The following STAG1 variants were observed in gnomAD, a reference collection of about 807,000 sequenced individuals.
STAG1 encodes the protein cohesin subunit SA-1.
A neutral mutation model predicts 170.9 loss-of-function variants in STAG1; 26 were observed. The ratio of observed to expected loss-of-function variants is 0.15; its 90% confidence interval spans 0.11 to 0.21. The LOEUF (loss-of-function observed/expected upper bound fraction) is 0.21. Among genes scored for constraint, STAG1 ranks in the 10% least tolerant of loss-of-function variants. The probability of loss-of-function intolerance (pLI) is 1.00; values close to 1 mark genes in which losing one functional copy is unlikely to be tolerated. For synonymous variants in STAG1, 514 were observed against 497.7 expected, an observed-to-expected ratio of 1.03 and a Z score of -0.44; for missense variants, 964 against 1,509.5, an observed-to-expected ratio of 0.64 and a Z score of 5.99.
In STAG1 at chr3:136,455,145, T is replaced by C. The variant is rs139532281; in HGVS notation, c.1314-2998A>G. On this transcript the variant is annotated intron_variant, in intron 13 of 33. Transcript: ENST00000383202. The stretch of plus-strand genomic sequence containing the variant: ...TATCCTTCTGGATTTCTGTGGCAGA[T>C]ATTCTAATAAAAACTTTTTTTGGTG... Among the ~76,000 whole-genome samples the C allele has an allele frequency of 3.4e-3, 524 of 152,316 alleles. 1 individual carries two copies. The highest frequency in any genetic ancestry group is 5.7e-3 in the Non-Finnish European group (388 of 68,030).
At chr3:136,361,287 T>TA (rs1373724512) in intron 26 of STAG1, among the ~76,000 whole-genome samples, 2 of 152,198 alleles carry the variant, frequency 1.3e-5, no homozygotes, top group Admixed American at 1.3e-4. Context: ...AAAAATCCTT[T>TA]ATCTAGCTCA....
chr3:136,726,398 C>T (rs753023961), intron 1 of STAG1, among the ~76,000 whole-genome samples: 10 of 152,186 alleles, frequency 6.6e-5, no homozygotes, highest in Non-Finnish European at 1.2e-4. Flanking sequence ...GAAGCAAAAT[C>T]GCCCTCAGTT....
At position 136,729,975 on chromosome 3, in the gene STAG1, G is replaced by A. The variant is rs573162069; in HGVS notation, c.-84+22220C>T. 4.3e-5 allele frequency among the ~76,000 whole-genome samples: 6 copies of A among 138,584 alleles called. No individual in the cohort carries two copies. The East Asian group carries it at 7.4e-4, about 17-fold the overall frequency. 90.9% of individuals were successfully genotyped at this position (138,584 alleles called of 152,430 possible). On this transcript the variant is annotated intron_variant, in intron 1 of 33. Transcript: ENST00000383202. ...GTGATCTCAGCTCACTGCAACCTCC[G>A]CCTCCCAGGTTCAAGCAATTCTCCT...
chr3:136,494,636 A>G (rs1932975383), intron 9 of STAG1, among the ~76,000 whole-genome samples: 1 of 152,184 alleles, frequency 6.6e-6, no homozygotes, highest in African/African-American at 2.4e-5. Flanking sequence ...TCTGAAAATC[A>G]ATGAACACAA....
chr3:136,448,582 C>A (rs1357776106), intron 14 of STAG1, among the ~76,000 whole-genome samples: 1 of 152,294 alleles, frequency 6.6e-6, no homozygotes, highest in East Asian at 1.9e-4. Context: ...GGGATTATTA[C>A]AATTCAAGAT....
intron 16 of STAG1, among the ~76,000 whole-genome samples, chr3:136,428,071 C>T (rs2088185893): frequency 6.6e-6 from 1 of 150,706 alleles, no homozygotes; most frequent in Non-Finnish European, 1.5e-5. Flanking sequence ...GATCACAGTG[C>T]CCTATTCTGG....
At position 136,572,601 on chromosome 3, in the gene STAG1, C is replaced by CAAA. The variant is rs11379268; in HGVS notation, c.298-3743_298-3741dup. On this transcript the variant is annotated intron_variant, in intron 4 of 33. Transcript: ENST00000383202. Reference sequence around the variant, plus strand: ...CCTGGGTGACAGAGCAAGACTGTCTCAAAAAAAAAAAAAAAAAAAAAGTAA... The same window carrying CAAA: ...CCTGGGTGACAGAGCAAGACTGTCTCAAAAAAAAAAAAAAAAAAAAAAAAGTAA... Among the ~76,000 whole-genome samples, 122 of 66,442 alleles carry CAAA rather than the reference C, an allele frequency of 1.8e-3. 3 individuals carry two copies. The highest frequency in any genetic ancestry group is 4.8e-3 in the African/African-American group (80 of 16,578). 43.6% of individuals were successfully genotyped at this position (66,442 alleles called of 152,430 possible). A position where few individuals can be genotyped will look rare whatever the true frequency, so the allele number is the denominator to read the frequency against.
chr3:136,488,997 TA>T (rs2107841637), intron 9 of STAG1, among the ~76,000 whole-genome samples: 1 of 152,198 alleles, frequency 6.6e-6, no homozygotes, highest in African/African-American at 2.4e-5. Context: ...CAAAAAATAG[TA>T]AGACAAGAGG....
intron 9 of STAG1, among the ~76,000 whole-genome samples, chr3:136,489,050 C>T (rs1353002919): frequency 6.6e-6 from 1 of 152,164 alleles, no homozygotes; most frequent in East Asian, 1.9e-4. Context: ...ATTTTTACAA[C>T]ATCCTAGCAT....
chr3:136,471,712 C>T (rs1199523233), intron 12 of STAG1, among the ~76,000 whole-genome samples: 1 of 152,116 alleles, frequency 6.6e-6, no homozygotes, highest in Non-Finnish European at 1.5e-5. Flanking sequence ...ATTTTGAAAT[C>T]TCTATCATTA....
At chr3:136,488,251 T>C (rs1576522218) in intron 9 of STAG1, among the ~76,000 whole-genome samples, 1 of 152,168 alleles carries the variant, frequency 6.6e-6, no homozygotes, top group South Asian at 2.1e-4. Flanking sequence ...GCCTCCCGAG[T>C]AGCTGGGACT....
chr3:136,661,533 C>A (rs575377273), intron 1 of STAG1, among the ~76,000 whole-genome samples: 1 of 151,870 alleles, frequency 6.6e-6, no homozygotes, highest in Non-Finnish European at 1.5e-5. Context: ...TATACACATA[C>A]GAAATATAAA....
At chr3:136,339,843 C>G (rs1466977640) in intron 32 of STAG1, among the ~76,000 whole-genome samples, 2 of 152,098 alleles carry the variant, frequency 1.3e-5, no homozygotes, top group Non-Finnish European at 1.5e-5. Context: ...TCAAACATGT[C>G]TTCTCATACT....
chr3:136,526,347 T>C (rs1011453242), intron 6 of STAG1, among the ~76,000 whole-genome samples: 1 of 152,244 alleles, frequency 6.6e-6, no homozygotes, highest in African/African-American at 2.4e-5. Context: ...TACCATTATG[T>C]TATGGCCTTC....
intron 1 of STAG1, among the ~76,000 whole-genome samples, chr3:136,678,850 C>CAAAAAAAA (rs559610524): frequency 5.7e-5 from 2 of 35,360 alleles, no homozygotes; most frequent in Admixed American, 3.0e-4. Flanking sequence ...CCCATGCTCA[C>CAAAAAAAA]AAAAAAAAAA....
At chr3:136,598,562 G>T (rs551524531) in intron 4 of STAG1, among the ~76,000 whole-genome samples, 1 of 152,026 alleles carries the variant, frequency 6.6e-6, no homozygotes, top group East Asian at 1.9e-4. Context: ...AAGTAGCTGG[G>T]ACTATAGGCG....
chr3:136,719,497 G>T (rs1672854157), intron 1 of STAG1, among the ~76,000 whole-genome samples: 1 of 151,674 alleles, frequency 6.6e-6, no homozygotes, highest in Admixed American at 6.6e-5. Context: ...AGAATTTTAT[G>T]TTATGTAAAT....
chr3:136,461,657 G>T (rs1250795654), intron 13 of STAG1, among the ~76,000 whole-genome samples: 1 of 150,916 alleles, frequency 6.6e-6, no homozygotes, highest in Non-Finnish European at 1.5e-5. Flanking sequence ...GTAGAGTTTT[G>T]GGGCAAGACC....
chr3:136,369,355 A>G, intron 23 of STAG1, 73 bp from the exon 24 acceptor site: 3 of 1,267,766 alleles, frequency 2.4e-6, no homozygotes, highest in Non-Finnish European at 3.2e-6. Flanking sequence ...ATGAAAATGT[A>G]TGAAATTAAA....
Sources: gnomAD v4.1 joint callset for allele counts (sites outside exome capture counted in the v4.1 genomes callset) on GRCh38, gnomAD v4.1.1 for gene constraint, MANE v1.5 for transcripts, NCBI Gene and HGNC (gene_info 2026-07-23, HGNC 2026-07-21) for gene names.